XPR1: variants seen among roughly 807,000 people sequenced by gnomAD.
The protein encoded by XPR1 is xenotropic and polytropic retrovirus receptor 1.
Under a neutral mutation model 87.5 loss-of-function variants are expected in XPR1, and 28 were observed. That is an observed-to-expected ratio of 0.32 (90% CI 0.24 to 0.44). The LOEUF (loss-of-function observed/expected upper bound fraction) is 0.44, where lower values mean the gene tolerates loss of function less well. Among genes scored for constraint, XPR1 ranks in the 20% least tolerant of loss-of-function variants. XPR1 has a pLI of 1.00. For missense variants in XPR1, 559 were observed against 862.3 expected, an observed-to-expected ratio of 0.65 and a Z score of 4.41; for synonymous variants, 300 against 306.1, an observed-to-expected ratio of 0.98 and a Z score of 0.21.
At chr1:180,862,010 G>T (rs1253152655) in intron 11 of XPR1, among the ~76,000 whole-genome samples, 1 of 152,014 alleles carries the variant, frequency 6.6e-6, no homozygotes, top group Non-Finnish European at 1.5e-5. Context: ...TGAATTTTGA[G>T]TATGTGTTAC....
chr1:180,718,437 C>G (rs976884997), intron 2 of XPR1, among the ~76,000 whole-genome samples: 7 of 151,850 alleles, frequency 4.6e-5, no homozygotes, highest in Admixed American at 3.9e-4. Context: ...AAATTTGCCC[C>G]CAAATAAAAT....
At chr1:180,725,113 A>G (rs1361105858) in intron 2 of XPR1, among the ~76,000 whole-genome samples, 1 of 152,198 alleles carries the variant, frequency 6.6e-6, no homozygotes, top group Non-Finnish European at 1.5e-5. Context: ...TCAAAGTGTA[A>G]GTTAGCAATA....
chr1:180,667,147 T>C (rs1461073767), intron 1 of XPR1, among the ~76,000 whole-genome samples: 1 of 152,216 alleles, frequency 6.6e-6, no homozygotes, highest in Non-Finnish European at 1.5e-5. Context: ...ACTCCTGAAC[T>C]CAAGCGATCT....
chr1:180,722,844 C>T (rs1051704355), intron 2 of XPR1, among the ~76,000 whole-genome samples: 2 of 152,148 alleles, frequency 1.3e-5, no homozygotes, highest in African/African-American at 4.8e-5. Context: ...TATGTTTACA[C>T]AGATCAGTGG....
chr1:180,654,718 A>G (rs182733460), intron 1 of XPR1, among the ~76,000 whole-genome samples: 1 of 152,268 alleles, frequency 6.6e-6, no homozygotes, highest in East Asian at 1.9e-4. Flanking sequence ...CTCAAGGTGC[A>G]TCTATGTTGT....
intron 2 of XPR1, among the ~76,000 whole-genome samples, chr1:180,763,150 G>A (rs1367903476): frequency 2.0e-5 from 3 of 152,112 alleles, no homozygotes; most frequent in African/African-American, 7.2e-5. Context: ...ATGTGACCAA[G>A]GTATATTTAG....
At chr1:180,795,867 G>A (rs1649553141) in intron 3 of XPR1, among the ~76,000 whole-genome samples, 1 of 152,106 alleles carries the variant, frequency 6.6e-6, no homozygotes, top group South Asian at 2.1e-4. Flanking sequence ...GAATGTGGTG[G>A]TGCGATCTCA....
At chr1:180,858,881 G>A (rs1652126399) in intron 11 of XPR1, among the ~76,000 whole-genome samples, 1 of 152,018 alleles carries the variant, frequency 6.6e-6, no homozygotes, top group Non-Finnish European at 1.5e-5. Flanking sequence ...ATCTATATTT[G>A]TTCATTTTTT....
At chr1:180,852,306 C>T (rs1292970074) in intron 11 of XPR1, among the ~76,000 whole-genome samples, 1 of 151,874 alleles carries the variant, frequency 6.6e-6, no homozygotes, top group Non-Finnish European at 1.5e-5. Context: ...CATAGTTTCC[C>T]CAGTGGTAAC....
chr1:180,866,065 A>G (rs1405185475), intron 12 of XPR1, among the ~76,000 whole-genome samples: 1 of 152,136 alleles, frequency 6.6e-6, no homozygotes, highest in Non-Finnish European at 1.5e-5. Context: ...AAATAAAAAT[A>G]ACTGGATATG....
rs189354775 is a variant in XPR1 at position 180,684,665 on chromosome 1, G to C, written c.121+2254G>C. Among the ~76,000 whole-genome samples the C allele has an allele frequency of 1.8e-4, 28 of 152,156 alleles. No homozygotes were observed. The East Asian group carries it at 5.4e-3, about 30-fold the overall frequency. ...TTTTTGTATCCTCTTTTATTTGATT[G>C]AGCAGTGGTTTGTAGTTCTCCCTGA... is the stretch of plus-strand genomic sequence containing the variant. On this transcript the variant is annotated intron_variant, in intron 2 of 14. Transcript: ENST00000367590.
intron 2 of XPR1, among the ~76,000 whole-genome samples, chr1:180,723,733 T>A (rs1347710862): frequency 6.6e-6 from 1 of 152,222 alleles, no homozygotes; most frequent in Non-Finnish European, 1.5e-5. Flanking sequence ...CAGAGCCATC[T>A]TAATTTTAAA....
intron 2 of XPR1, among the ~76,000 whole-genome samples, chr1:180,766,554 C>T (rs545929598): frequency 6.6e-6 from 1 of 151,842 alleles, no homozygotes; most frequent in Admixed American, 6.6e-5. Context: ...AAGAAATTGT[C>T]GTCACAATCA....
chr1:180,854,168 T>C (rs1481884654), intron 11 of XPR1, among the ~76,000 whole-genome samples: 1 of 152,232 alleles, frequency 6.6e-6, no homozygotes, highest in East Asian at 1.9e-4. Flanking sequence ...ATTCAACTTA[T>C]TAACAAAAGA....
intron 2 of XPR1, among the ~76,000 whole-genome samples, chr1:180,775,804 G>GA (rs142083374): frequency 0.055 from 8,277 of 150,872 alleles, 328 homozygotes; most frequent in Non-Finnish European, 0.08. Context: ...AAGAGTGCTG[G>GA]AAAAAAAAAT....
At chr1:180,659,372 CG>C in intron 1 of XPR1, among the ~76,000 whole-genome samples, 3 of 101,062 alleles carry the variant, frequency 3.0e-5, no homozygotes, top group African/African-American at 7.8e-5. Flanking sequence ...TCCTTCCGTC[CG>C]TCCTTCCGTC....
rs190833794 is a variant in XPR1, at chr1:180,773,222, G to A, written c.122-14531G>A. ...CTATGAATGTTGGGATTTGGGAAAA[G>A]AGATGGTTTGGGGATACTTGGGGAA... is the stretch of plus-strand genomic sequence containing the variant. On this transcript the variant is annotated intron_variant, in intron 2 of 14. Transcript: ENST00000367590. 3.3e-4 allele frequency among the ~76,000 whole-genome samples: 50 copies of A among 152,288 alleles called. No homozygotes were observed. In the East Asian group the frequency reaches 7.9e-3, roughly 24 times the overall value.
Position 180,831,759 on chromosome 1 carries a change from G to T in XPR1, c.1135-3115G>T, listed in dbSNP as rs745760927. On this transcript the variant is annotated intron_variant, in intron 9 of 14. Transcript: ENST00000367590. ...TTTTATGGCTGCATAGTATTCCATG[G>T]TGTATATGTGCCATATTTTCTTTAT... 1.7e-3 allele frequency among the ~76,000 whole-genome samples: 260 copies of T among 152,056 alleles called. 2 individuals carry two copies. Among genetic ancestry groups the T allele is most frequent in the Non-Finnish European group, 3.1e-3 (210 of 68,016 alleles).
chr1:180,762,316 A>G (rs1199267105), intron 2 of XPR1, among the ~76,000 whole-genome samples: 1 of 152,136 alleles, frequency 6.6e-6, no homozygotes, highest in Non-Finnish European at 1.5e-5. Flanking sequence ...TTATGTATGT[A>G]TATTTTACCT....
Sources: gnomAD v4.1 joint callset for allele counts (sites outside exome capture counted in the v4.1 genomes callset) on GRCh38, gnomAD v4.1.1 for gene constraint, MANE v1.5 for transcripts, NCBI Gene and HGNC (gene_info 2026-07-23, HGNC 2026-07-21) for gene names.